KAZN: variants seen among roughly 807,000 people sequenced by gnomAD.
KAZN encodes kazrin.
A neutral mutation model predicts 87.4 loss-of-function variants in KAZN; 40 were observed. The observed-to-expected ratio is 0.46, with a 90% CI of 0.36 to 0.60. KAZN has a LOEUF of 0.60. KAZN is among the 20% of genes least tolerant of loss of function. The pLI is 0.00. For missense variants in KAZN, 898 were observed against 1,073.9 expected, an observed-to-expected ratio of 0.84 and a Z score of 2.29; for synonymous variants, 466 against 458.3, an observed-to-expected ratio of 1.02 and a Z score of -0.22.
chr1:14,938,918 G>T (rs1660752024), intron 1 of KAZN, among the ~76,000 whole-genome samples: 1 of 152,178 alleles, frequency 6.6e-6, no homozygotes, highest in African/African-American at 2.4e-5. Flanking sequence ...GATACTGTGT[G>T]CAATACAATG....
At chr1:13,973,195 C>T (rs1309962009) in intron 1 of KAZN, among the ~76,000 whole-genome samples, 3 of 152,134 alleles carry the variant, frequency 2.0e-5, no homozygotes, top group Non-Finnish European at 4.4e-5. Flanking sequence ...CTAAGTTCTC[C>T]CTTGACATGT....
intron 5 of KAZN, among the ~76,000 whole-genome samples, chr1:15,057,695 G>A (rs1638417546): frequency 1.3e-5 from 2 of 152,344 alleles, no homozygotes; most frequent in Non-Finnish European, 2.9e-5. Context: ...ATCCTCGTCA[G>A]GCAGGGAAAC....
At chr1:14,330,016 C>T (rs562540475) in intron 2 of KAZN, among the ~76,000 whole-genome samples, 1 of 152,186 alleles carries the variant, frequency 6.6e-6, no homozygotes, top group African/African-American at 2.4e-5. Context: ...ATTGCCAATT[C>T]AGAACACCTG....
At chr1:14,087,030 T>C (rs1643874480) in intron 1 of KAZN, among the ~76,000 whole-genome samples, 1 of 152,190 alleles carries the variant, frequency 6.6e-6, no homozygotes, top group South Asian at 2.1e-4. Context: ...TTTCTATCAT[T>C]AGGTTGTGAA....
Position 15,103,418 on chromosome 1 carries a change from C to A in KAZN, c.1839C>A (p.Thr613=). The change falls in exon 12 of 15, where the codon ACC becomes ACA. Residue 613 remains threonine, a synonymous_variant. Transcript: ENST00000376030. ...ETQNIDPVVW[T]NQRVLKWVRD... is the part of the protein sequence containing the mutation. ...AGAACATTGACCCCGTGGTGTGGAC[C>A]AACCAGCGGGTGCTCAAGTGGGTTC... 1.3e-6 allele frequency: 2 copies of A among 1,552,130 alleles called. No individual in the cohort carries two copies. Among genetic ancestry groups the A allele is most frequent in the African/African-American group, 1.4e-5 (1 of 72,794 alleles).
chr1:14,144,387 G>A (rs1645302712), intron 1 of KAZN, among the ~76,000 whole-genome samples: 1 of 152,112 alleles, frequency 6.6e-6, no homozygotes, highest in Non-Finnish European at 1.5e-5. Flanking sequence ...TTTATTTTGA[G>A]GCTCTGGATA....
chr1:14,396,713 T>C (rs959362659), intron 2 of KAZN, among the ~76,000 whole-genome samples: 7 of 152,102 alleles, frequency 4.6e-5, no homozygotes, highest in Non-Finnish European at 7.4e-5. Context: ...TCGTTACAAG[T>C]GTGGAAGAAA....
chr1:15,060,965 G>A (rs1037442346), intron 6 of KAZN: 3 of 152,242 alleles, frequency 2.0e-5, no homozygotes, highest in Admixed American at 6.5e-5. Flanking sequence ...TGGGTGTGGG[G>A]ACCACCTTGA....
At chr1:14,019,975 C>T (rs897167884) in intron 1 of KAZN, among the ~76,000 whole-genome samples, 1 of 151,994 alleles carries the variant, frequency 6.6e-6, no homozygotes, top group Admixed American at 6.6e-5. Flanking sequence ...TACAACTCAT[C>T]ATAATGTCGA....
chr1:14,706,144 C>T (rs1037227977), intron 1 of KAZN, among the ~76,000 whole-genome samples: 16 of 151,932 alleles, frequency 1.1e-4, no homozygotes, highest in African/African-American at 1.7e-4. Flanking sequence ...ATCTAATGCC[C>T]GATGATCTGT....
intron 2 of KAZN, among the ~76,000 whole-genome samples, chr1:14,550,907 C>T (rs1486714299): frequency 1.3e-5 from 2 of 151,458 alleles, no homozygotes; most frequent in Admixed American, 1.3e-4. Context: ...ATCCCCAGCT[C>T]TCTCCCCAGA....
chr1:14,473,116 G>T (rs956234531), intron 2 of KAZN, among the ~76,000 whole-genome samples: 1 of 152,168 alleles, frequency 6.6e-6, no homozygotes, highest in African/African-American at 2.4e-5. Context: ...ATGGTCCAGA[G>T]TGCTGAGATA....
chr1:14,158,578 G>T (rs571352224), intron 1 of KAZN, among the ~76,000 whole-genome samples: 13 of 152,048 alleles, frequency 8.5e-5, no homozygotes, highest in Non-Finnish European at 1.8e-4. Flanking sequence ...TGTCTGAAAG[G>T]TCACATATCT....
At chr1:14,708,796 T>C (rs1466584256) in intron 1 of KAZN, among the ~76,000 whole-genome samples, 1 of 152,238 alleles carries the variant, frequency 6.6e-6, no homozygotes, top group Non-Finnish European at 1.5e-5. Flanking sequence ...TTAAAGATTT[T>C]ATTTTGGCCC....
intron 1 of KAZN, among the ~76,000 whole-genome samples, chr1:14,707,698 G>C (rs1404907271): frequency 6.6e-6 from 1 of 152,094 alleles, no homozygotes; most frequent in East Asian, 1.9e-4. Context: ...ATATTTGTTT[G>C]TTTGTCGTGT....
At chr1:14,891,833 T>C (rs1451001538) in intron 1 of KAZN, among the ~76,000 whole-genome samples, 1 of 152,190 alleles carries the variant, frequency 6.6e-6, no homozygotes. Flanking sequence ...TAGCTATTTC[T>C]TCTAAAATGA....
intron 5 of KAZN, among the ~76,000 whole-genome samples, chr1:15,059,015 C>A (rs1456710169): frequency 6.6e-6 from 1 of 151,890 alleles, no homozygotes; most frequent in Non-Finnish European, 1.5e-5. Flanking sequence ...GAGCAAGACC[C>A]TGTCTCAAAA....
intron 1 of KAZN, among the ~76,000 whole-genome samples, chr1:14,756,713 C>G (rs1170183289): frequency 6.6e-6 from 1 of 152,204 alleles, no homozygotes; most frequent in African/African-American, 2.4e-5. Context: ...CTCCCCAGGT[C>G]TGGGCATTGT....
At chr1:14,652,508 TA>T (rs1638476720) in intron 1 of KAZN, among the ~76,000 whole-genome samples, 1 of 30,748 alleles carries the variant, frequency 3.3e-5, no homozygotes, top group African/African-American at 1.7e-4. Context: ...CCTATCTACC[TA>T]TCCACCCACC....
Sources: gnomAD v4.1 joint callset for allele counts (sites outside exome capture counted in the v4.1 genomes callset) on GRCh38, gnomAD v4.1.1 for gene constraint, MANE v1.5 for transcripts, NCBI Gene and HGNC (gene_info 2026-07-23, HGNC 2026-07-21) for gene names.